NELL1: variants seen among roughly 807,000 people sequenced by gnomAD.
NELL1 encodes the protein neural EGFL like 1, also known as protein kinase C-binding protein NELL1.
Under a neutral mutation model 107.4 loss-of-function variants are expected in NELL1, and 76 were observed. That is an observed-to-expected ratio of 0.71 (90% confidence interval 0.59 to 0.86). The LOEUF (loss-of-function observed/expected upper bound fraction) is 0.86. Among genes scored for constraint, NELL1 ranks in the 40% least tolerant of loss-of-function variants. The pLI is 0.00. For synonymous variants in NELL1, 353 were observed against 341.2 expected (o/e 1.03, Z -0.38); for missense variants, 1,024 against 1,005.5 (o/e 1.02, Z -0.25).
rs35537964 is a variant in NELL1, at chr11:21,086,828, C to CTT, written c.1301-26741_1301-26740dup. Among the ~76,000 whole-genome samples the CTT allele has an allele frequency of 0.013, 1,428 of 112,880 alleles. 89 individuals carry two copies. In the East Asian group the frequency reaches 0.13, roughly 10 times the overall value. The allele number at this position is 112,880 out of a possible 152,430, so 74.1% of individuals were successfully genotyped here. ...AGTAGACTGTTGAGTCTTAATGGAT[C>CTT]TTTTTTTTTTTTTTTTTTTTTGAGA... On this transcript the variant is annotated intron_variant, in intron 12 of 19. Coordinates refer to ENST00000357134, the MANE Select transcript of NELL1 (RefSeq NM_006157.5).
At chr11:20,915,056 T>C (rs1260903231) in intron 5 of NELL1, among the ~76,000 whole-genome samples, 1 of 152,058 alleles carries the variant, frequency 6.6e-6, no homozygotes. Context: ...ATTTATTGTG[T>C]TTACTATGTG....
intron 2 of NELL1, among the ~76,000 whole-genome samples, chr11:20,742,516 A>C (rs1366924005): frequency 6.6e-6 from 1 of 152,184 alleles, no homozygotes; most frequent in Admixed American, 6.5e-5. Context: ...ATTTATAAAG[A>C]AAAGATGTTT....
intron 12 of NELL1, among the ~76,000 whole-genome samples, chr11:21,054,428 A>G (rs1853568116): frequency 6.6e-6 from 1 of 151,984 alleles, no homozygotes; most frequent in Admixed American, 6.6e-5. Flanking sequence ...TTTTGTGAGT[A>G]TATTTATTAT....
At chr11:20,997,504 T>C (rs1852117809) in intron 12 of NELL1, among the ~76,000 whole-genome samples, 1 of 152,154 alleles carries the variant, frequency 6.6e-6, no homozygotes, top group Non-Finnish European at 1.5e-5. Flanking sequence ...GGAATATGAA[T>C]ATAATTTGGA....
chr11:20,902,118 T>C (rs1043870922), intron 5 of NELL1, among the ~76,000 whole-genome samples: 3 of 151,976 alleles, frequency 2.0e-5, no homozygotes, highest in African/African-American at 7.2e-5. Flanking sequence ...GAGAAGTTCT[T>C]AGACAAGATA....
At chr11:20,807,421 C>G (rs1857408312) in intron 3 of NELL1, among the ~76,000 whole-genome samples, 1 of 152,222 alleles carries the variant, frequency 6.6e-6, no homozygotes, top group Non-Finnish European at 1.5e-5. Context: ...GTCTCTCTCT[C>G]TCTGTTCTGA....
intron 13 of NELL1, among the ~76,000 whole-genome samples, chr11:21,142,495 G>A (rs1489010229): frequency 1.3e-5 from 2 of 152,216 alleles, no homozygotes; most frequent in African/African-American, 2.4e-5. Context: ...TATAAAAATA[G>A]GATGGGACAG....
At chr11:20,713,641 C>T (rs111521114) in intron 2 of NELL1, among the ~76,000 whole-genome samples, 243 of 152,258 alleles carry the variant, frequency 1.6e-3, no homozygotes, top group Non-Finnish European at 2.7e-3. Context: ...CTCATATCTG[C>T]AGCAGTTCCT....
intron 12 of NELL1, among the ~76,000 whole-genome samples, chr11:21,011,108 G>A (rs554406422): frequency 1.3e-5 from 2 of 152,048 alleles, no homozygotes; most frequent in African/African-American, 2.4e-5. Context: ...CATTGTATGT[G>A]GATTTTATGT....
At chr11:20,891,805 AGAGAT>A (rs1849621819) in intron 5 of NELL1, among the ~76,000 whole-genome samples, 6 of 152,228 alleles carry the variant, frequency 3.9e-5, no homozygotes, top group Admixed American at 3.3e-4. Context: ...TTCAACAAGA[AGAGAT>A]AACTATCCTA....
At chr11:21,394,317 C>T (rs1227584207) in intron 15 of NELL1, among the ~76,000 whole-genome samples, 6 of 151,352 alleles carry the variant, frequency 4.0e-5, no homozygotes, top group Admixed American at 4.0e-4. Flanking sequence ...TTTATTTTCC[C>T]CAGCTATGTT....
At chr11:20,944,646 T>C (rs1850926358) in intron 10 of NELL1, among the ~76,000 whole-genome samples, 1 of 152,198 alleles carries the variant, frequency 6.6e-6, no homozygotes, top group Non-Finnish European at 1.5e-5. Context: ...ATGTTAATTA[T>C]CAGGTACTTC....
chr11:21,500,239 A>G (rs1156585182), intron 15 of NELL1, among the ~76,000 whole-genome samples: 1 of 152,112 alleles, frequency 6.6e-6, no homozygotes, highest in East Asian at 1.9e-4. Context: ...CTTAGTAAAA[A>G]CATAACACTT....
At chr11:21,472,713 T>C (rs575295603) in intron 15 of NELL1, among the ~76,000 whole-genome samples, 20 of 152,012 alleles carry the variant, frequency 1.3e-4, no homozygotes, top group African/African-American at 4.3e-4. Flanking sequence ...GCCTGGGAAA[T>C]CTATGCTGTT....
At chr11:21,500,125 A>C (rs1855097254) in intron 15 of NELL1, among the ~76,000 whole-genome samples, 1 of 152,126 alleles carries the variant, frequency 6.6e-6, no homozygotes, top group African/African-American at 2.4e-5. Context: ...TAAGTGAATC[A>C]ATTTTTTAAA....
intron 17 of NELL1, among the ~76,000 whole-genome samples, chr11:21,560,880 G>T (rs1374387152): frequency 8.0e-6 from 1 of 124,826 alleles, no homozygotes; most frequent in Non-Finnish European, 1.8e-5. Context: ...ATAGTATGAG[G>T]CCTCTTAGAA....
intron 13 of NELL1, among the ~76,000 whole-genome samples, chr11:21,157,465 A>G (rs769007176): frequency 1.3e-5 from 2 of 152,168 alleles, no homozygotes; most frequent in African/African-American, 4.8e-5. Flanking sequence ...GCTTCTATGC[A>G]TTTTTGAGAA....
intron 15 of NELL1, among the ~76,000 whole-genome samples, chr11:21,519,223 T>C (rs373332766): frequency 6.6e-6 from 1 of 152,212 alleles, no homozygotes; most frequent in Non-Finnish European, 1.5e-5. Context: ...TCACATGCCC[T>C]TATCTAGACA....
At chr11:21,249,689 A>G (rs150116971) in intron 14 of NELL1, among the ~76,000 whole-genome samples, 163 of 152,318 alleles carry the variant, frequency 1.1e-3, no homozygotes, top group African/African-American at 3.7e-3. Flanking sequence ...AATCAAGGAA[A>G]TGCATACAAA....
Sources: gnomAD v4.1 joint callset for allele counts (sites outside exome capture counted in the v4.1 genomes callset) on GRCh38, gnomAD v4.1.1 for gene constraint, MANE v1.5 for transcripts, NCBI Gene and HGNC (gene_info 2026-07-23, HGNC 2026-07-21) for gene names.